The following WDR53 variants were observed in gnomAD, a reference collection of about 807,000 sequenced individuals.
The protein encoded by WDR53 is WD repeat-containing protein 53.
Under a neutral mutation model 21.3 loss-of-function variants are expected in WDR53, and 19 were observed. That is an observed-to-expected ratio of 0.89 (90% CI 0.62 to 1.31). The LOEUF (loss-of-function observed/expected upper bound fraction) is 1.31. WDR53 is among the 50% of genes most tolerant of loss of function. WDR53 has a pLI of 0.00. For synonymous variants in WDR53, 157 were observed against 163.4 expected, an observed-to-expected ratio of 0.96 and a Z score of 0.30; for missense variants, 374 against 423.2, an observed-to-expected ratio of 0.88 and a Z score of 1.02.
In WDR53 at chr3:196,554,339, G is replaced by T; in HGVS notation, c.949C>A (p.Pro317Thr). 6.2e-7 allele frequency: 1 copy of T among 1,613,982 alleles called. No homozygotes were observed. Among genetic ancestry groups the T allele is most frequent in the Non-Finnish European group, 8.5e-7 (1 of 1,179,986 alleles). ...TDEEEHGNILPKLNIEHGEKV... is the reference protein window; with the variant it reads ...TDEEEHGNILTKLNIEHGEKV... ...TCTCCATGTTCAATATTTAGCTTTGGTAAAATGTTGCCATGTTCTTCCTCA... is the reference window on the plus strand; with the variant it reads ...TCTCCATGTTCAATATTTAGCTTTGTTAAAATGTTGCCATGTTCTTCCTCA... Residue 317 changes from proline to threonine, a missense_variant, in exon 4 of 4, where the codon CCA becomes ACA. By Grantham distance (38) the Pro-to-Thr change is conservative. Coordinates refer to ENST00000332629, the MANE Select transcript of WDR53 (RefSeq NM_182627.3).
chr3:196,562,940 C>T lies in WDR53; in HGVS notation c.-16-1449G>A, dbSNP rs551213517. On this transcript the variant is annotated intron_variant, in intron 2 of 3. Coordinates refer to ENST00000332629, the MANE Select transcript of WDR53 (RefSeq NM_182627.3). Reference sequence around the variant, plus strand: ...CTTGACCTCCCAGGCCTAAGCAATCCTCCCACCTCAGTCTCCTGAGTAGCT... The same window carrying T: ...CTTGACCTCCCAGGCCTAAGCAATCTTCCCACCTCAGTCTCCTGAGTAGCT... 1.6e-3 allele frequency among the ~76,000 whole-genome samples: 236 copies of T among 152,138 alleles called. 2 individuals are homozygous for T. The highest frequency in any genetic ancestry group is 5.6e-3 in the South Asian group (27 of 4,828).
chr3:196,556,650 C>T (rs998109720), intron 3 of WDR53, among the ~76,000 whole-genome samples: 16 of 82,164 alleles, frequency 1.9e-4, no homozygotes, highest in East Asian at 9.3e-4. Flanking sequence ...AGCAAGACTC[C>T]GTCTTTAAAA....
intron 2 of WDR53, 51 bp from the exon 3 acceptor site, chr3:196,561,542 A>C: frequency 6.6e-7 from 1 of 1,506,890 alleles, no homozygotes; most frequent in Non-Finnish European, 8.9e-7. Context: ...CATCGACTTG[A>C]TGGGAGGAGA....
Position 196,561,255 on chromosome 3 carries a change from G to A in WDR53, c.221C>T (p.Thr74Ile), listed in dbSNP as rs1734826191. The stretch of plus-strand genomic sequence containing the variant: ...GGACCTGACATCCAGTACACTAATG[G>A]TTTCTCCATGTGAGGCATAGAGCTT... ...PTKLYASHGE[T>I]ISVLDVRSLK... Residue 74 changes from threonine to isoleucine, a missense_variant, in exon 3 of 4, where the codon ACC becomes ATC. Transcript: ENST00000332629. The A allele has an allele frequency of 6.2e-7, 1 of 1,614,080 alleles. No individual in the cohort carries two copies. The highest frequency in any genetic ancestry group is 1.7e-5 in the Admixed American group (1 of 59,990).
intron 2 of WDR53, among the ~76,000 whole-genome samples, chr3:196,561,944 C>T (rs1734910666): frequency 1.3e-5 from 2 of 152,180 alleles, no homozygotes; most frequent in East Asian, 3.8e-4. Flanking sequence ...ACCTGTCACC[C>T]ACTTTTCTTC....
At chr3:196,560,909 G>T in intron 3 of WDR53, 87 bp downstream of exon 3, 1 of 1,503,272 alleles carries the variant, frequency 6.7e-7, no homozygotes, top group Non-Finnish European at 8.9e-7. Flanking sequence ...AACAGAAAAA[G>T]CAAAGATATT....
At position 196,554,747 on chromosome 3, in the gene WDR53, C is replaced by G. The variant is rs146652264; in HGVS notation, c.541G>C (p.Glu181Gln). ...TGTGGGCCTTCCATTTCTTCTGTTT[C>G]ATCCTCCTGTAAATTTGTAATCCAG... The part of the protein sequence containing the change: ...PLWITNLQED[E>Q]TEEMEGPQSP... The change falls in exon 4 of 4, where the codon GAA becomes CAA. Residue 181 changes from glutamate to glutamine, a missense_variant. By Grantham distance (29) the Glu-to-Gln change is conservative. Transcript: ENST00000332629. The G allele has an allele frequency of 1.8e-4, 296 of 1,614,180 alleles. No individual in the cohort carries two copies. In the African/African-American group the frequency reaches 3.6e-3, roughly 20 times the overall value.
intron 1 of WDR53, among the ~76,000 whole-genome samples, chr3:196,567,751 T>TTG (rs3080583): frequency 0.078 from 11,266 of 143,578 alleles, 528 homozygotes; most frequent in Non-Finnish European, 0.093. Context: ...GCTGAAATTC[T>TTG]TGTGTGTGTG....
intron 2 of WDR53, among the ~76,000 whole-genome samples, chr3:196,563,178 A>G (rs537129496): frequency 1.3e-5 from 2 of 152,330 alleles, no homozygotes; most frequent in African/African-American, 4.8e-5. Context: ...GTGCTTGAAA[A>G]TGTACTCACA....
intron 2 of WDR53, 45 bp from the exon 3 acceptor site, chr3:196,561,536 G>C: frequency 2.6e-6 from 4 of 1,516,422 alleles, no homozygotes; most frequent in Non-Finnish European, 3.5e-6. Flanking sequence ...TTTATACATC[G>C]ACTTGATGGG....
At chr3:196,556,453 G>A (rs537762434) in intron 3 of WDR53, among the ~76,000 whole-genome samples, 16 of 152,064 alleles carry the variant, frequency 1.1e-4, no homozygotes, top group Admixed American at 3.9e-4. Context: ...TCAGGAGATC[G>A]AGACCATCCT....
intron 2 of WDR53, among the ~76,000 whole-genome samples, chr3:196,564,590 T>C (rs148286296): frequency 6.6e-6 from 1 of 152,026 alleles, no homozygotes; most frequent in African/African-American, 2.4e-5. Context: ...CTTGAACTCC[T>C]GGGCTCAAGT....
intron 3 of WDR53, among the ~76,000 whole-genome samples, chr3:196,555,592 T>C (rs1734249153): frequency 6.6e-6 from 1 of 152,214 alleles, no homozygotes; most frequent in Non-Finnish European, 1.5e-5. Context: ...ATTCATTCTT[T>C]TCCTGTATCA....
chr3:196,559,216 T>C (rs1438144182), intron 3 of WDR53, among the ~76,000 whole-genome samples: 2 of 152,226 alleles, frequency 1.3e-5, no homozygotes, highest in Non-Finnish European at 2.9e-5. Flanking sequence ...TCTGGTTGTA[T>C]AGGTCTTTCT....
intron 2 of WDR53, among the ~76,000 whole-genome samples, chr3:196,562,163 C>T (rs776504415): frequency 1.6e-4 from 24 of 152,164 alleles, no homozygotes; most frequent in Non-Finnish European, 3.4e-4. Flanking sequence ...ATCAGCATCC[C>T]CTAGGAACTT....
intron 2 of WDR53, among the ~76,000 whole-genome samples, chr3:196,566,600 G>A (rs920500845): frequency 1.3e-4 from 19 of 151,896 alleles, no homozygotes; most frequent in Non-Finnish European, 2.2e-4. Context: ...GTTTGGTAGA[G>A]ATGGGGTTTC....
chr3:196,554,757 T>C lies in WDR53; in HGVS notation c.531A>G (p.Leu177=). 6.2e-7 allele frequency: 1 copy of C among 1,614,138 alleles called. No individual in the cohort carries two copies. Among genetic ancestry groups the C allele is most frequent in the Non-Finnish European group, 8.5e-7 (1 of 1,180,022 alleles). ...QKARPLWITN[L]QEDETEEMEG... Reference sequence around the variant, plus strand: ...CCATTTCTTCTGTTTCATCCTCCTGTAAATTTGTAATCCAGAGTGGTCGGG... The same window carrying C: ...CCATTTCTTCTGTTTCATCCTCCTGCAAATTTGTAATCCAGAGTGGTCGGG... The change falls in exon 4 of 4, where the codon TTA becomes TTG. Residue 177 remains leucine, a synonymous_variant. Transcript: ENST00000332629.
intron 3 of WDR53, among the ~76,000 whole-genome samples, chr3:196,559,826 T>C (rs988830145): frequency 2.0e-5 from 3 of 152,184 alleles, no homozygotes; most frequent in African/African-American, 7.2e-5. Context: ...AGATTGAGGT[T>C]TGAATCTCAG....
rs575193758 is a variant in WDR53 at position 196,557,063 on chromosome 3, TAG to T, written c.481-2258_481-2257del. On this transcript the variant is annotated intron_variant, in intron 3 of 3. Coordinates refer to ENST00000332629, the MANE Select transcript of WDR53 (RefSeq NM_182627.3). ...CAGTTCTCATCCTAATCAAGAGAGCTAGAGATACTGAAAGAAAAGAATAAAGA... is the reference window on the plus strand; with the variant it reads ...CAGTTCTCATCCTAATCAAGAGAGCTAGATACTGAAAGAAAAGAATAAAGA... 3.5e-5 allele frequency among the ~76,000 whole-genome samples: 5 copies of T among 144,800 alleles called. No individual in the cohort carries two copies. The South Asian group carries it at 1.1e-3, about 32-fold the overall frequency. The allele number at this position is 144,800 out of a possible 152,430, so 95.0% of individuals were successfully genotyped here. A position where few individuals can be genotyped will look rare whatever the true frequency, so the allele number is the denominator to read the frequency against.
Sources: gnomAD v4.1 joint callset for allele counts (sites outside exome capture counted in the v4.1 genomes callset) on GRCh38, gnomAD v4.1.1 for gene constraint, MANE v1.5 for transcripts, NCBI Gene and HGNC (gene_info 2026-07-23, HGNC 2026-07-21) for gene names.